Variants in DACH1 observed in about 807,000 individuals in gnomAD.
DACH1 encodes the protein dachshund family transcription factor 1.
In DACH1, 12 loss-of-function variants were observed where a neutral mutation model predicts 54.2. The ratio of observed to expected loss-of-function variants is 0.22; its 90% CI spans 0.14 to 0.36. DACH1 has a LOEUF of 0.36. Ranked by LOEUF, DACH1 falls within the 10% of genes least tolerant of loss-of-function variation. The pLI is 1.00. For synonymous variants in DACH1, 386 were observed against 366.2 expected, an observed-to-expected ratio of 1.05 and a Z score of -0.62; for missense variants, 805 against 929.8, an observed-to-expected ratio of 0.87 and a Z score of 1.75.
chr13:71,656,929 T>TATATA (rs1313709495), intron 2 of DACH1, among the ~76,000 whole-genome samples: 1 of 130,394 alleles, frequency 7.7e-6, no homozygotes, highest in Non-Finnish European at 1.6e-5. Flanking sequence ...TTCATATATA[T>TATATA]ATATATATAT....
At chr13:71,638,641 G>A (rs1877675622) in intron 2 of DACH1, among the ~76,000 whole-genome samples, 1 of 152,076 alleles carries the variant, frequency 6.6e-6, no homozygotes, top group African/African-American at 2.4e-5. Flanking sequence ...TGAACTAGAA[G>A]ATTAGTGGAA....
intron 1 of DACH1, among the ~76,000 whole-genome samples, chr13:71,775,127 C>CT (rs767902341): frequency 0.013 from 685 of 53,994 alleles, 48 homozygotes; most frequent in African/African-American, 0.021. Context: ...TCAACACAAG[C>CT]TTTTTTTTTT....
intron 1 of DACH1, among the ~76,000 whole-genome samples, chr13:71,801,564 C>T (rs1324919233): frequency 3.9e-5 from 6 of 151,996 alleles, no homozygotes; most frequent in Non-Finnish European, 1.5e-5. Flanking sequence ...CAGGAGTTCG[C>T]GGTTCCAAGT....
At chr13:71,731,508 C>T (rs1417525833) in intron 1 of DACH1, among the ~76,000 whole-genome samples, 4 of 152,126 alleles carry the variant, frequency 2.6e-5, no homozygotes, top group African/African-American at 7.2e-5. Flanking sequence ...TGGTCTCGAT[C>T]TCCTGACCTC....
At chr13:71,762,798 T>C (rs936562997) in intron 1 of DACH1, among the ~76,000 whole-genome samples, 5 of 145,116 alleles carry the variant, frequency 3.4e-5, no homozygotes, top group Non-Finnish European at 7.6e-5. Context: ...AAAAAGAATG[T>C]ACATCTAAGT....
intron 7 of DACH1, among the ~76,000 whole-genome samples, chr13:71,482,004 T>A (rs985640098): frequency 1.3e-5 from 2 of 152,208 alleles, no homozygotes; most frequent in African/African-American, 4.8e-5. Flanking sequence ...GTTTAAAGCA[T>A]GATTTTTTCT....
chr13:71,799,869 C>T (rs1256611570), intron 1 of DACH1, among the ~76,000 whole-genome samples: 6 of 152,032 alleles, frequency 3.9e-5, no homozygotes, highest in Non-Finnish European at 7.4e-5. Flanking sequence ...TCTCCATTTT[C>T]GGATGGAAAA....
At chr13:71,673,748 T>C (rs1880362948) in intron 2 of DACH1, among the ~76,000 whole-genome samples, 1 of 152,166 alleles carries the variant, frequency 6.6e-6, no homozygotes, top group Non-Finnish European at 1.5e-5. Context: ...ACCCCAGAAC[T>C]TAAAGTATAA....
chr13:71,527,174 AAAT>A (rs1380412614), intron 6 of DACH1, among the ~76,000 whole-genome samples: 5 of 151,908 alleles, frequency 3.3e-5, no homozygotes, highest in Admixed American at 2.6e-4. Flanking sequence ...TTAAATTAGT[AAAT>A]AATGATTAAA....
intron 1 of DACH1, among the ~76,000 whole-genome samples, chr13:71,801,134 T>C (rs1887274013): frequency 6.6e-6 from 1 of 152,024 alleles, no homozygotes; most frequent in African/African-American, 2.4e-5. Flanking sequence ...CATCCCTAAA[T>C]TCCTAAGGCT....
intron 1 of DACH1, among the ~76,000 whole-genome samples, chr13:71,724,561 A>T (rs1566459514): frequency 6.6e-6 from 1 of 152,186 alleles, no homozygotes; most frequent in Non-Finnish European, 1.5e-5. Flanking sequence ...ATATGATACA[A>T]CTATACCATA....
chr13:71,571,649 A>C (rs1885204316), intron 4 of DACH1, among the ~76,000 whole-genome samples: 1 of 151,252 alleles, frequency 6.6e-6, no homozygotes, highest in African/African-American at 2.4e-5. Context: ...TCTGGGATAC[A>C]TCTTTGTTTT....
At chr13:71,862,836 T>C (rs1874444734) in intron 1 of DACH1, among the ~76,000 whole-genome samples, 1 of 152,078 alleles carries the variant, frequency 6.6e-6, no homozygotes, top group African/African-American at 2.4e-5. Context: ...ATAGACATAG[T>C]TTCTGTAAAA....
intron 1 of DACH1, among the ~76,000 whole-genome samples, chr13:71,795,147 C>T (rs1345757593): frequency 6.6e-6 from 1 of 151,816 alleles, no homozygotes; most frequent in Non-Finnish European, 1.5e-5. Flanking sequence ...AGATTTGCTT[C>T]TCCACTTAGG....
chr13:71,453,704 G>A (rs929132427), intron 10 of DACH1, among the ~76,000 whole-genome samples: 18 of 152,114 alleles, frequency 1.2e-4, no homozygotes, highest in Non-Finnish European at 5.9e-5. Flanking sequence ...AACTGTGGGT[G>A]AATAAAGTTC....
chr13:71,683,357 A>T (rs997163716), intron 1 of DACH1, among the ~76,000 whole-genome samples: 1 of 152,178 alleles, frequency 6.6e-6, no homozygotes, highest in Non-Finnish European at 1.5e-5. Flanking sequence ...CGGGAACATT[A>T]GAAGACAATT....
intron 1 of DACH1, among the ~76,000 whole-genome samples, chr13:71,863,652 G>T (rs1874500613): frequency 6.6e-6 from 1 of 151,976 alleles, no homozygotes; most frequent in Non-Finnish European, 1.5e-5. Flanking sequence ...AAAAGTTAAA[G>T]AATATTCTCC....
intron 1 of DACH1, 92 bp downstream of exon 1, chr13:71,865,830 G>A: frequency 7.5e-7 from 1 of 1,335,040 alleles, no homozygotes; most frequent in Non-Finnish European, 9.5e-7. Context: ...TCGCGGGCGC[G>A]CAGAGCGAGC....
Position 71,707,759 on chromosome 13 carries a change from G to A in DACH1, c.849-25849C>T, listed in dbSNP as rs79510844. ...TGTAAATTGGTGTAAACGTAAAGTTGGAGAAAAAGACTAGAGGGTGGCATC... is the reference window on the plus strand; with the variant it reads ...TGTAAATTGGTGTAAACGTAAAGTTAGAGAAAAAGACTAGAGGGTGGCATC... On this transcript the variant is annotated intron_variant, in intron 1 of 10. Transcript: ENST00000613252. Among the ~76,000 whole-genome samples the A allele has an allele frequency of 4.1e-4, 63 of 152,178 alleles. 1 individual carries two copies. The East Asian group carries it at 8.9e-3, about 22-fold the overall frequency.
Sources: allele counts gnomAD v4.1 joint callset (sites outside exome capture counted in the v4.1 genomes callset), GRCh38; gene constraint gnomAD v4.1.1; transcripts MANE v1.5; gene names NCBI Gene and HGNC (gene_info 2026-07-23, HGNC 2026-07-21).